The following KRT10 variants were observed in gnomAD, a reference collection of about 807,000 sequenced individuals.
KRT10 encodes keratin, type I cytoskeletal 10.
Under a neutral mutation model 59.2 loss-of-function variants are expected in KRT10, and 40 were observed. The ratio of observed to expected loss-of-function variants is 0.68; its 90% confidence interval spans 0.52 to 0.88. The LOEUF is 0.88. KRT10 is among the 40% of genes least tolerant of loss of function. The pLI is 0.00. For synonymous variants in KRT10, 336 were observed against 310.7 expected (o/e 1.08, Z -0.86); for missense variants, 719 against 749.1 (o/e 0.96, Z 0.47).
Position 40,822,222 on chromosome 17 carries a change from A to G in KRT10, c.364T>C (p.Phe122Leu), listed in dbSNP as rs201879590. 11 of 1,611,054 alleles carry G rather than the reference A, an allele frequency of 6.8e-6. No individual in the cohort carries two copies. ...CCTCCTCCAAAGCCGCCTCCACCAA[A>G]GCCGCCTCCACCAAAGCTGCCCCCA... ...FGGGSFGGGG[F>L]GGGGFGGGFG... Residue 122 changes from phenylalanine (F) to leucine (L), a missense_variant, in exon 1 of 8, where the codon TTT becomes CTT. By Grantham distance (22) the Phe-to-Leu change is conservative. Coordinates refer to ENST00000269576, the MANE Select transcript of KRT10 (RefSeq NM_000421.5).
rs1414297266 is a variant in KRT10, at chr17:40,819,014, TCCGCCGCCGGAGCTTCCGCCTCCGTAG to T, written c.1494_1520del (p.Tyr499_Gly507del). On this transcript the variant is annotated inframe_deletion, in exon 7 of 8. Transcript: ENST00000269576. ...CGCCCCCGTAGCCGCCGCCGGAGCT[TCCGCCGCCGGAGCTTCCGCCTCCGTAG>T]CCGCCGCCGGAACTGCCGCCGTGGC... 24 of 1,235,242 alleles carry T rather than the reference TCCGCCGCCGGAGCTTCCGCCTCCGTAG, an allele frequency of 1.9e-5. No individual in the cohort carries two copies. The Admixed American group carries it at 4.4e-4, about 23-fold the overall frequency. 76.5% of individuals were successfully genotyped at this position (1,235,242 alleles called of 1,614,324 possible).
chr17:40,818,938 C>G lies in KRT10; in HGVS notation c.1597G>C (p.Gly533Arg), dbSNP rs184159044. 7.5e-7 allele frequency: 1 copy of G among 1,328,374 alleles called. No individual in the cohort carries two copies. The highest frequency in any genetic ancestry group is 9.7e-7 in the Non-Finnish European group (1 of 1,033,526). The allele number at this position is 1,328,374 out of a possible 1,614,324, so 82.3% of individuals were successfully genotyped here. ...GGSSSGGYGG[G>R]SSGGGGGGYG... is the part of the protein sequence containing the mutation. ...CCGCCGCCGCCGCCGCCGGAACTGC[C>G]ACCACCGTAGCCGCCGCTGGAACTG... Residue 533 changes from glycine (G) to arginine (R), a missense_variant, in exon 7 of 8, where the codon GGC becomes CGC. Around this residue, in one of 4 missense-constraint regions of KRT10, gnomAD observed 315 missense variants for 270.6 expected, o/e 1.16. Coordinates refer to ENST00000269576, the MANE Select transcript of KRT10 (RefSeq NM_000421.5).
At chr17:40,819,965 A>AT (rs1248464320) in intron 5 of KRT10, 84 bp downstream of exon 5, 23 of 1,525,666 alleles carry the variant, frequency 1.5e-5, no homozygotes, top group African/African-American at 2.7e-5. Context: ...CCAACTCTGC[A>AT]TTTTTTTGTT....
At position 40,819,568 on chromosome 17, in the gene KRT10, C is replaced by T. The variant is rs1597818678; in HGVS notation, c.1322G>A (p.Arg441Gln). The change falls in exon 6 of 8, where the codon CGA (arginine) becomes CAA (glutamine). Residue 441 changes from arginine (R) to glutamine (Q), a missense_variant. Physicochemically the swap from Arg to Gln is conservative, Grantham distance 43. Coordinates refer to ENST00000269576, the MANE Select transcript of KRT10 (RefSeq NM_000421.5). ...EYQQLLDIKI[R>Q]LENEIQTYRS... ...GTAGGTTTGAATTTCATTCTCCAGT[C>T]GGATCTTAATATCCAGGAGTTGTTG... 3 of 1,614,082 alleles carry T rather than the reference C, an allele frequency of 1.9e-6. No homozygotes were observed. The highest frequency in any genetic ancestry group is 1.3e-5 in the African/African-American group (1 of 74,944).
chr17:40,819,794 T>C, intron 5 of KRT10, 60 bp from the exon 6 acceptor site: 1 of 1,387,148 alleles, frequency 7.2e-7, no homozygotes, highest in Non-Finnish European at 1.0e-6. Flanking sequence ...TGGTGACGCT[T>C]ATTTGATTAT....
rs771062828 is a variant in KRT10 at position 40,819,279 on chromosome 17, G to C, written c.1374-118C>G. ...GTGTTGAAAAAATAAAACCCTGCCA[G>C]GTATATATTTTAAAACCCATCCTTT... On this transcript the variant is annotated intron_variant, in intron 6 of 7. Transcript: ENST00000269576. The C allele has an allele frequency of 2.6e-5, 41 of 1,548,544 alleles. No individual in the cohort carries two copies. In the Middle Eastern group the frequency reaches 6.4e-4, roughly 24 times the overall value.
Position 40,820,553 on chromosome 17 carries a change from G to T in KRT10, c.825C>A (p.Ser275Arg). Reference sequence around the variant, plus strand: ...TCAGATAGGCCAGCTCTTCAGTCAGGCTCTCAATTTGCATCTCCAGGTCAG... The same window carrying T: ...TCAGATAGGCCAGCTCTTCAGTCAGTCTCTCAATTTGCATCTCCAGGTCAG... ...TKADLEMQIE[S>R]LTEELAYLKK... The change falls in exon 3 of 8, where the codon AGC (serine) becomes AGA (arginine). Residue 275 changes from serine to arginine, a missense_variant. Ser to Arg is a moderately radical substitution (Grantham distance 110). Transcript: ENST00000269576. The T allele has an allele frequency of 6.2e-7, 1 of 1,614,178 alleles. No individual in the cohort carries two copies. The highest frequency in any genetic ancestry group is 8.5e-7 in the Non-Finnish European group (1 of 1,180,032).
At chr17:40,818,723 G>C in intron 7 of KRT10, 64 bp downstream of exon 7, 1 of 1,598,456 alleles carries the variant, frequency 6.3e-7, no homozygotes, top group Non-Finnish European at 8.5e-7. Flanking sequence ...AGAGCTTAAA[G>C]CGCAAAAAAA....
At chr17:40,819,248 C>A in intron 6 of KRT10, 87 bp from the exon 7 acceptor site, 1 of 1,578,172 alleles carries the variant, frequency 6.3e-7, no homozygotes, top group Non-Finnish European at 8.5e-7. Context: ...AGAAAATAAG[C>A]AAAACGTGTT....
chr17:40,819,704 T>C lies in KRT10; in HGVS notation c.1186A>G (p.Thr396Ala). Residue 396 changes from threonine (T) to alanine (A), a missense_variant, in exon 6 of 8, where the codon ACA (threonine) becomes GCA (alanine). By Grantham distance (58) the Thr-to-Ala change is moderately conservative. Transcript: ENST00000269576. ...KQSLEASLAE[T>A]EGRYCVQLSQ... Reference sequence around the variant, plus strand: ...AGCTGCACACAGTAGCGACCTTCTGTTTCTGCCAAGGAGGCTTCCAGGGAT... The same window carrying C: ...AGCTGCACACAGTAGCGACCTTCTGCTTCTGCCAAGGAGGCTTCCAGGGAT... 1.2e-6 allele frequency: 2 copies of C among 1,614,230 alleles called. No individual in the cohort carries two copies. The highest frequency in any genetic ancestry group is 1.7e-6 in the Non-Finnish European group (2 of 1,180,050).
At position 40,818,635 on chromosome 17, in the gene KRT10, C is replaced by A. The variant is rs369810696; in HGVS notation, c.1748+152G>T. The A allele has an allele frequency of 1.3e-5, 18 of 1,362,520 alleles. No individual in the cohort carries two copies. The African/African-American group carries it at 2.3e-4, about 18-fold the overall frequency. The allele number at this position is 1,362,520 out of a possible 1,614,324, so 84.4% of individuals were successfully genotyped here. A position where few individuals can be genotyped will look rare whatever the true frequency, so the allele number is the denominator to read the frequency against. On this transcript the variant is annotated intron_variant, in intron 7 of 7. Coordinates refer to ENST00000269576, the MANE Select transcript of KRT10 (RefSeq NM_000421.5). ...GACATTTTGATCATGCCATTTTTCA[C>A]GGCTGGTGTTAAGAGTAGTTTGTGA...
At position 40,819,870 on chromosome 17, in the gene KRT10, T is replaced by G. The variant is rs547613475; in HGVS notation, c.1156-136A>C. Reference sequence around the variant, plus strand: ...ATTTGTTGTATGTTTAATGGCACCATTTCAGTTTCAGCACTTTTAGATCAA... The same window carrying G: ...ATTTGTTGTATGTTTAATGGCACCAGTTCAGTTTCAGCACTTTTAGATCAA... On this transcript the variant is annotated intron_variant, in intron 5 of 7. Transcript: ENST00000269576. 7.2e-3 allele frequency: 7,811 copies of G among 1,087,132 alleles called. 67 individuals carry two copies. The highest frequency in any genetic ancestry group is 0.027 in the South Asian group (2,106 of 76,624). The allele number at this position is 1,087,132 out of a possible 1,614,324, so 67.3% of individuals were successfully genotyped here. A position where few individuals can be genotyped will look rare whatever the true frequency, so the allele number is the denominator to read the frequency against.
rs1288902236 is a variant in KRT10, at chr17:40,818,362, C to T, written c.*114G>A. 1 of 1,451,322 alleles carries T rather than the reference C, an allele frequency of 6.9e-7. No individual in the cohort carries two copies. The highest frequency in any genetic ancestry group is 9.6e-7 in the Non-Finnish European group (1 of 1,042,682). The allele number at this position is 1,451,322 out of a possible 1,614,324, so 89.9% of individuals were successfully genotyped here. A position where few individuals can be genotyped will look rare whatever the true frequency, so the allele number is the denominator to read the frequency against. On this transcript the variant is annotated 3_prime_UTR_variant, in exon 8 of 8. Coordinates refer to ENST00000269576, the MANE Select transcript of KRT10 (RefSeq NM_000421.5). ...TGGTCTGTGTGAAGGGAGACTCTTT[C>T]CTCTTGATGCAGTTTAATAGTAGTG...
chr17:40,818,975 G>A lies in KRT10; in HGVS notation c.1560C>T (p.Gly520=). 2.9e-6 allele frequency: 4 copies of A among 1,379,866 alleles called. No individual in the cohort carries two copies. The highest frequency in any genetic ancestry group is 3.8e-6 in the Non-Finnish European group (4 of 1,064,498). 85.5% of individuals were successfully genotyped at this position (1,379,866 alleles called of 1,614,324 possible). A position where few individuals can be genotyped will look rare whatever the true frequency, so the allele number is the denominator to read the frequency against. Reference sequence around the variant, plus strand: ...CGCCGCTGGAACTGCCGCCGTGGCCGCCGCTGGAGCTTCCGCCCCCGTAGC... The same window carrying A: ...CGCCGCTGGAACTGCCGCCGTGGCCACCGCTGGAGCTTCCGCCCCCGTAGC... The part of the protein sequence containing the change: ...GGGYGGGSSS[G]GHGGSSSGGY... The change falls in exon 7 of 8, where the codon GGC becomes GGT. Residue 520 remains glycine, a synonymous_variant. Transcript: ENST00000269576.
chr17:40,818,953 C>A lies in KRT10; in HGVS notation c.1582G>T (p.Gly528Cys). ...SSGGHGGSSS[G>C]GYGGGSSGGG... ...CCGGAACTGCCACCACCGTAGCCGC[C>A]GCTGGAACTGCCGCCGTGGCCGCCG... The change falls in exon 7 of 8, where the codon GGC becomes TGC. Residue 528 changes from glycine (G) to cysteine (C), a missense_variant. By Grantham distance (159) the Gly-to-Cys change is radical. Around this residue, in one of 4 missense-constraint regions of KRT10, gnomAD observed 315 missense variants for 270.6 expected, o/e 1.16. Coordinates refer to ENST00000269576, the MANE Select transcript of KRT10 (RefSeq NM_000421.5). 7.2e-7 allele frequency: 1 copy of A among 1,393,690 alleles called. No homozygotes were observed. Among genetic ancestry groups the A allele is most frequent in the South Asian group, 1.6e-5 (1 of 64,310 alleles). 86.3% of individuals were successfully genotyped at this position (1,393,690 alleles called of 1,614,324 possible).
chr17:40,818,598 TGCTTAAG>T, intron 7 of KRT10, 116 bp from the exon 8 acceptor site: 1 of 1,260,432 alleles, frequency 7.9e-7, no homozygotes, highest in Non-Finnish European at 1.1e-6. Flanking sequence ...CCCAAAAAAA[TGCTTAAG>T]GTATGACATT....
At chr17:40,818,640 G>T in intron 7 of KRT10, 147 bp downstream of exon 7, 1 of 1,373,246 alleles carries the variant, frequency 7.3e-7, no homozygotes. Context: ...TTTCACGGCT[G>T]GTGTTAAGAG....
At position 40,822,364 on chromosome 17, in the gene KRT10, A is replaced by G. The variant is rs201089561; in HGVS notation, c.222T>C (p.Tyr74=). The G allele has an allele frequency of 3.9e-5, 63 of 1,606,706 alleles. 1 individual carries two copies. Among genetic ancestry groups the G allele is most frequent in the Middle Eastern group, 3.3e-4 (2 of 6,004 alleles). The change falls in exon 1 of 8, where the codon TAT becomes TAC. Residue 74 remains tyrosine (Y), a synonymous_variant. Coordinates refer to ENST00000269576, the MANE Select transcript of KRT10 (RefSeq NM_000421.5). ...CTCCACCAAAACCTCCTAATCCTCC[A>G]TAGCCACCTGATGAGCCCCCAAAGC... ...GGCFGGSSGG[Y]GGLGGFGGGS...
At chr17:40,821,165 G>C in intron 1 of KRT10, 48 bp from the exon 2 acceptor site, 2 of 1,356,870 alleles carry the variant, frequency 1.5e-6, no homozygotes, top group Non-Finnish European at 1.1e-6. Flanking sequence ...ATGCAGATAT[G>C]GCTTTTGTAG....
Sources: gnomAD v4.1 joint callset for allele counts on GRCh38, gnomAD v4.1.1 for gene constraint, gnomAD v4.1.1 regional missense constraint, MANE v1.5 for transcripts, NCBI Gene and HGNC (gene_info 2026-07-23, HGNC 2026-07-21) for gene names.